ACBD6: variants seen among roughly 807,000 people sequenced by gnomAD.
ACBD6 encodes the protein acyl-CoA binding domain containing 6.
A neutral mutation model predicts 37.2 loss-of-function variants in ACBD6; 28 were observed. The observed-to-expected ratio is 0.75, with a 90% CI of 0.56 to 1.03. ACBD6 has a LOEUF of 1.03. ACBD6 is among the 50% of genes least tolerant of loss of function. The probability of loss-of-function intolerance (pLI) is 0.00; values close to 1 mark genes in which losing one functional copy is unlikely to be tolerated. For missense variants in ACBD6, 340 were observed against 337.4 expected, an observed-to-expected ratio of 1.01 and a Z score of -0.06; for synonymous variants, 113 against 126.8, an observed-to-expected ratio of 0.89 and a Z score of 0.73.
chr1:180,493,267 A>AAC (rs1553218674), intron 2 of ACBD6, among the ~76,000 whole-genome samples: 1 of 110,294 alleles, frequency 9.1e-6, no homozygotes, highest in Non-Finnish European at 1.8e-5. Flanking sequence ...AAAAAAAAAA[A>AAC]AAAAAAAAAA....
chr1:180,386,060 C>T (rs1211246268), intron 6 of ACBD6, among the ~76,000 whole-genome samples: 2 of 152,122 alleles, frequency 1.3e-5, no homozygotes, highest in Non-Finnish European at 2.9e-5. Flanking sequence ...GCCCCAGCTA[C>T]TCTAGAGGCT....
At chr1:180,337,367 G>A (rs936670564) in intron 6 of ACBD6, among the ~76,000 whole-genome samples, 22 of 152,104 alleles carry the variant, frequency 1.4e-4, no homozygotes, top group South Asian at 6.3e-4. Flanking sequence ...ATCAATAAAC[G>A]TAATCCAGCA....
At chr1:180,318,557 C>G (rs1424733976) in intron 6 of ACBD6, among the ~76,000 whole-genome samples, 1 of 152,156 alleles carries the variant, frequency 6.6e-6, no homozygotes, top group Non-Finnish European at 1.5e-5. Flanking sequence ...GCTTTTGTTT[C>G]TGTCAAGCAT....
At chr1:180,304,426 A>C (rs1420490725) in intron 7 of ACBD6, among the ~76,000 whole-genome samples, 1 of 150,986 alleles carries the variant, frequency 6.6e-6, no homozygotes, top group Non-Finnish European at 1.5e-5. Flanking sequence ...ATACAAAATC[A>C]ATGTGCAAAA....
intron 5 of ACBD6, among the ~76,000 whole-genome samples, chr1:180,407,341 T>C (rs144459422): frequency 1.3e-5 from 2 of 152,344 alleles, no homozygotes; most frequent in East Asian, 1.9e-4. Context: ...CTGGAAGATC[T>C]GGAAAGCAGC....
intron 6 of ACBD6, among the ~76,000 whole-genome samples, chr1:180,359,233 C>T (rs1020983875): frequency 6.6e-6 from 1 of 152,184 alleles, no homozygotes; most frequent in African/African-American, 2.4e-5. Flanking sequence ...CGACTGATAA[C>T]TCTTTTAAAA....
At chr1:180,461,130 C>T (rs1045637712) in intron 3 of ACBD6, among the ~76,000 whole-genome samples, 1 of 151,818 alleles carries the variant, frequency 6.6e-6, no homozygotes, top group Non-Finnish European at 1.5e-5. Flanking sequence ...GCAGAAGAGA[C>T]CAAGTGGAGG....
At chr1:180,479,231 AT>A (rs1650926925) in intron 3 of ACBD6, among the ~76,000 whole-genome samples, 1 of 152,250 alleles carries the variant, frequency 6.6e-6, no homozygotes, top group Non-Finnish European at 1.5e-5. Flanking sequence ...AATGGCAAAG[AT>A]AAAAAGTCAA....
chr1:180,485,900 A>G (rs531400341), intron 3 of ACBD6, among the ~76,000 whole-genome samples: 2 of 152,198 alleles, frequency 1.3e-5, no homozygotes, highest in South Asian at 4.2e-4. Flanking sequence ...ATGAGTTTAT[A>G]CCAATATAAA....
chr1:180,426,695 C>G (rs1412218848), intron 4 of ACBD6, among the ~76,000 whole-genome samples: 1 of 152,204 alleles, frequency 6.6e-6, no homozygotes, highest in Non-Finnish European at 1.5e-5. Flanking sequence ...TAGGGACTCC[C>G]TCTGCCGAAT....
intron 6 of ACBD6, among the ~76,000 whole-genome samples, chr1:180,342,144 G>C (rs1652006988): frequency 6.6e-6 from 1 of 152,026 alleles, no homozygotes; most frequent in Admixed American, 6.6e-5. Flanking sequence ...AAATCAATTA[G>C]AGCAAGGACA....
intron 6 of ACBD6, among the ~76,000 whole-genome samples, chr1:180,321,682 A>AG (rs1444542636): frequency 6.6e-6 from 1 of 152,190 alleles, no homozygotes; most frequent in African/African-American, 2.4e-5. Flanking sequence ...ATAAAAAAAA[A>AG]GAAATGCTAC....
At chr1:180,499,482 A>C (rs998959619) in intron 1 of ACBD6, among the ~76,000 whole-genome samples, 1 of 152,228 alleles carries the variant, frequency 6.6e-6, no homozygotes, top group Non-Finnish European at 1.5e-5. Flanking sequence ...AAGTGAGTAT[A>C]CCTGAGACAA....
chr1:180,378,940 C>T (rs903072094), intron 6 of ACBD6, among the ~76,000 whole-genome samples: 2 of 152,112 alleles, frequency 1.3e-5, no homozygotes, highest in Non-Finnish European at 2.9e-5. Context: ...GGCTCGAGAA[C>T]ACACCCACTT....
At chr1:180,299,924 G>C (rs956476059) in intron 7 of ACBD6, among the ~76,000 whole-genome samples, 44 of 152,032 alleles carry the variant, frequency 2.9e-4, no homozygotes, top group African/African-American at 1.0e-3. Context: ...TAAAATATAG[G>C]CACATAAGGG....
intron 6 of ACBD6, among the ~76,000 whole-genome samples, chr1:180,350,002 T>G (rs1176248281): frequency 6.7e-6 from 1 of 150,104 alleles, no homozygotes; most frequent in South Asian, 2.1e-4. Flanking sequence ...ACTAAAGGTG[T>G]TTCAGTCCTC....
intron 6 of ACBD6, among the ~76,000 whole-genome samples, chr1:180,367,761 T>C (rs541005334): frequency 6.6e-6 from 1 of 152,224 alleles, no homozygotes; most frequent in Non-Finnish European, 1.5e-5. Context: ...GTGATGTATA[T>C]GTACCACATT....
At chr1:180,314,803 T>C in intron 6 of ACBD6, 81 bp from the exon 7 acceptor site, 1 of 1,048,976 alleles carries the variant, frequency 9.5e-7, no homozygotes, top group Non-Finnish European at 1.5e-6. Context: ...AGCAAATTTA[T>C]CTGATATACC....
At chr1:180,383,634 T>C (rs1280763402) in intron 6 of ACBD6, among the ~76,000 whole-genome samples, 1 of 152,130 alleles carries the variant, frequency 6.6e-6, no homozygotes, top group East Asian at 1.9e-4. Context: ...CCTATCAAAA[T>C]ATTGACGTCA....
Sources: allele counts gnomAD v4.1 joint callset (sites outside exome capture counted in the v4.1 genomes callset), GRCh38; gene constraint gnomAD v4.1.1; transcripts MANE v1.5; gene names NCBI Gene and HGNC (gene_info 2026-07-23, HGNC 2026-07-21).